The following MDGA2 variants were observed in gnomAD, a reference collection of about 807,000 sequenced individuals.
MDGA2 encodes MAM domain containing glycosylphosphatidylinositol anchor 2.
MDGA2 carries 40 observed loss-of-function variants against 117.8 expected under a neutral mutation model. The observed-to-expected ratio is 0.34, with a 90% CI of 0.26 to 0.44. MDGA2 has a LOEUF of 0.44. Among genes scored for constraint, MDGA2 ranks in the 20% least tolerant of loss-of-function variants. The probability of loss-of-function intolerance (pLI) is 1.00; values close to 1 mark genes in which losing one functional copy is unlikely to be tolerated. For synonymous variants in MDGA2, 452 were observed against 439.0 expected, an observed-to-expected ratio of 1.03 and a Z score of -0.37; for missense variants, 1,123 against 1,250.6, an observed-to-expected ratio of 0.90 and a Z score of 1.54.
At chr14:47,084,565 C>T (rs548214137) in intron 6 of MDGA2, among the ~76,000 whole-genome samples, 1 of 151,646 alleles carries the variant, frequency 6.6e-6, no homozygotes, top group South Asian at 2.1e-4. Context: ...GTGTTATGGA[C>T]TGAATGCATG....
At chr14:47,449,369 T>C (rs1351734286) in intron 1 of MDGA2, among the ~76,000 whole-genome samples, 2 of 152,178 alleles carry the variant, frequency 1.3e-5, no homozygotes, top group Non-Finnish European at 2.9e-5. Context: ...ACTATTAGAC[T>C]CACCTCTACT....
chr14:46,899,164 C>G (rs959316917), intron 10 of MDGA2, among the ~76,000 whole-genome samples: 2 of 152,030 alleles, frequency 1.3e-5, no homozygotes. Flanking sequence ...GATTTTTCCT[C>G]TGAGAAAACA....
intron 2 of MDGA2, among the ~76,000 whole-genome samples, chr14:47,241,369 C>T (rs1236605586): frequency 6.6e-6 from 1 of 151,782 alleles, no homozygotes; most frequent in Non-Finnish European, 1.5e-5. Context: ...TTGCCTCAGG[C>T]TATTTTCATA....
intron 1 of MDGA2, among the ~76,000 whole-genome samples, chr14:47,609,465 A>ATATACATATATATATATATATAT (rs1555336021): frequency 1.9e-5 from 2 of 107,374 alleles, no homozygotes; most frequent in Non-Finnish European, 3.9e-5. Flanking sequence ...ATATATATAT[A>ATATACATATATATATATATATAT]AGTTTCTTTA....
chr14:46,896,466 T>G (rs1883081149), intron 10 of MDGA2, among the ~76,000 whole-genome samples: 1 of 152,130 alleles, frequency 6.6e-6, no homozygotes, highest in Non-Finnish European at 1.5e-5. Flanking sequence ...TTCATTCATT[T>G]AAAATCATCT....
chr14:47,640,994 C>A (rs1897412757), intron 1 of MDGA2, among the ~76,000 whole-genome samples: 1 of 151,820 alleles, frequency 6.6e-6, no homozygotes. Context: ...GCAATGATTT[C>A]TTTACCTTTT....
At chr14:47,118,260 C>T (rs1198992425) in intron 5 of MDGA2, among the ~76,000 whole-genome samples, 1 of 152,096 alleles carries the variant, frequency 6.6e-6, no homozygotes, top group Non-Finnish European at 1.5e-5. Context: ...TAGGACAATG[C>T]TCCTACATGA....
intron 3 of MDGA2, among the ~76,000 whole-genome samples, chr14:47,202,172 C>A (rs938888590): frequency 3.9e-5 from 6 of 152,096 alleles, no homozygotes; most frequent in African/African-American, 1.4e-4. Flanking sequence ...AACTTAAAAT[C>A]CTTATAATGG....
chr14:47,561,194 G>C lies in MDGA2; in HGVS notation c.280+113323C>G, dbSNP rs1248817962. Among the ~76,000 whole-genome samples, 3 of 65,486 alleles carry C rather than the reference G, an allele frequency of 4.6e-5. No individual in the cohort carries two copies. In the East Asian group the frequency reaches 4.3e-3, roughly 94 times the overall value. 43.0% of individuals were successfully genotyped at this position (65,486 alleles called of 152,430 possible). On this transcript the variant is annotated intron_variant, in intron 1 of 16. Coordinates refer to ENST00000399232, the MANE Select transcript of MDGA2 (RefSeq NM_001113498.3). ...TTGTTTGTTTGTTTTTTTTTGCTTA[G>C]GATTGCCTTAACTAATCTGGCTCTT...
chr14:47,073,921 C>T (rs758541291), intron 6 of MDGA2, among the ~76,000 whole-genome samples: 2 of 152,114 alleles, frequency 1.3e-5, no homozygotes, highest in Non-Finnish European at 2.9e-5. Context: ...TCTGAGGATG[C>T]CGGGTTGATC....
intron 7 of MDGA2, among the ~76,000 whole-genome samples, chr14:47,039,909 T>G (rs1230515253): frequency 6.7e-6 from 1 of 150,032 alleles, no homozygotes; most frequent in Non-Finnish European, 1.5e-5. Context: ...CTCTTGGCTC[T>G]CTCTCACACA....
intron 4 of MDGA2, among the ~76,000 whole-genome samples, chr14:47,143,766 C>T (rs17118108): frequency 0.18 from 27,642 of 151,890 alleles, 2,714 homozygotes; most frequent in East Asian, 0.31. Context: ...TTCCACAAAA[C>T]CCAAATCAGC....
chr14:47,174,072 G>C (rs1449631649), intron 3 of MDGA2, among the ~76,000 whole-genome samples: 1 of 152,164 alleles, frequency 6.6e-6, no homozygotes, highest in Non-Finnish European at 1.5e-5. Context: ...TAATGGTAAA[G>C]GGATCGATTC....
At chr14:47,382,677 T>C (rs1230322838) in intron 1 of MDGA2, among the ~76,000 whole-genome samples, 1 of 152,156 alleles carries the variant, frequency 6.6e-6, no homozygotes, top group Non-Finnish European at 1.5e-5. Context: ...CCAGTTAGAA[T>C]GGCAGTCATT....
intron 1 of MDGA2, among the ~76,000 whole-genome samples, chr14:47,331,844 A>T (rs938425157): frequency 4.6e-5 from 7 of 151,998 alleles, no homozygotes; most frequent in African/African-American, 1.7e-4. Flanking sequence ...TCTAAATCTC[A>T]AACATTTCAA....
At chr14:46,946,275 C>T (rs915805719) in intron 9 of MDGA2, among the ~76,000 whole-genome samples, 1 of 151,720 alleles carries the variant, frequency 6.6e-6, no homozygotes, top group African/African-American at 2.4e-5. Context: ...GCAGTGAGCT[C>T]AATATGATAT....
intron 8 of MDGA2, among the ~76,000 whole-genome samples, chr14:46,995,601 A>T (rs1019614719): frequency 4.6e-5 from 7 of 152,098 alleles, no homozygotes; most frequent in Non-Finnish European, 8.8e-5. Flanking sequence ...TAAGAAAATA[A>T]GTCTTGCCAG....
chr14:47,341,983 G>C (rs914047745), intron 1 of MDGA2, among the ~76,000 whole-genome samples: 2 of 152,032 alleles, frequency 1.3e-5, no homozygotes, highest in Non-Finnish European at 2.9e-5. Flanking sequence ...GGGATTACAG[G>C]CCAGCACCAC....
At chr14:47,454,523 A>T (rs896270334) in intron 1 of MDGA2, among the ~76,000 whole-genome samples, 8 of 152,220 alleles carry the variant, frequency 5.3e-5, no homozygotes, top group African/African-American at 1.7e-4. Flanking sequence ...TAAGGTATCA[A>T]TAAAAGATTA....
Sources: gnomAD v4.1 joint callset for allele counts (sites outside exome capture counted in the v4.1 genomes callset) on GRCh38, gnomAD v4.1.1 for gene constraint, MANE v1.5 for transcripts, NCBI Gene and HGNC (gene_info 2026-07-23, HGNC 2026-07-21) for gene names.